The following MYO6 variants were observed in gnomAD, a reference collection of about 807,000 sequenced individuals.
MYO6 encodes the protein unconventional myosin-VI.
In MYO6, 74 loss-of-function variants were observed where a neutral mutation model predicts 178.7. The ratio of observed to expected loss-of-function variants is 0.41; its 90% confidence interval spans 0.34 to 0.50. The LOEUF (loss-of-function observed/expected upper bound fraction) is 0.50, where lower values mean the gene tolerates loss of function less well. Ranked by LOEUF, MYO6 falls within the 20% of genes least tolerant of loss-of-function variation. MYO6 has a pLI of 0.09. For missense variants in MYO6, 1,330 were observed against 1,547.4 expected (o/e 0.86, Z 2.36); for synonymous variants, 477 against 504.6 (o/e 0.95, Z 0.73).
chr6:75,817,991 T>A (rs2150168857), intron 2 of MYO6, among the ~76,000 whole-genome samples: 1 of 152,356 alleles, frequency 6.6e-6, no homozygotes, highest in Non-Finnish European at 1.5e-5. Flanking sequence ...CATTTTAATT[T>A]CTTGTGCCAC....
intron 33 of MYO6, among the ~76,000 whole-genome samples, chr6:75,913,406 G>T (rs1171459676): frequency 6.6e-6 from 1 of 152,112 alleles, no homozygotes; most frequent in Non-Finnish European, 1.5e-5. Flanking sequence ...TATTCTAAGA[G>T]AAATCTGATT....
At chr6:75,801,842 G>A (rs184025897) in intron 1 of MYO6, among the ~76,000 whole-genome samples, 2 of 152,098 alleles carry the variant, frequency 1.3e-5, no homozygotes, top group Admixed American at 1.3e-4. Context: ...TCAGGAGGCT[G>A]AGGCAGGAGA....
intron 13 of MYO6, 93 bp downstream of exon 13, chr6:75,857,347 T>C: frequency 7.8e-7 from 1 of 1,281,698 alleles, no homozygotes. Context: ...TGTAACTCAT[T>C]TTACTTGATG....
intron 1 of MYO6, among the ~76,000 whole-genome samples, chr6:75,805,021 A>AT (rs58697772): frequency 0.015 from 1,187 of 77,374 alleles, 40 homozygotes; most frequent in African/African-American, 0.028. Flanking sequence ...ATATATATAT[A>AT]TTTTTTTTTT....
At position 75,862,663 on chromosome 6, in the gene MYO6, A is replaced by G. The variant is rs758973642; in HGVS notation, c.1614A>G (p.Pro538=). 1 of 1,614,080 alleles carries G rather than the reference A, an allele frequency of 6.2e-7. No individual in the cohort carries two copies. The highest frequency in any genetic ancestry group is 8.5e-7 in the Non-Finnish European group (1 of 1,179,956). ...ILDEENRLPQ[P]SDQHFTSAVH... ...ATGAAGAAAATCGCCTTCCCCAGCC[A>G]AGTGATCAACACTTTACATCTGCAG... The change falls in exon 16 of 35, where the codon CCA becomes CCG. Residue 538 remains proline (P), a synonymous_variant. Coordinates refer to ENST00000369977, the MANE Select transcript of MYO6 (RefSeq NM_004999.4).
At position 75,895,706 on chromosome 6, in the gene MYO6, C is replaced by T. The variant is rs140231798; in HGVS notation, c.3137+446C>T. On this transcript the variant is annotated intron_variant, in intron 29 of 34. Transcript: ENST00000369977. Reference sequence around the variant, plus strand: ...CTAATTTTTGTATTTTTAGTAGAGACGGGGTTTCACCATGTTGGCCAGGAT... The same window carrying T: ...CTAATTTTTGTATTTTTAGTAGAGATGGGGTTTCACCATGTTGGCCAGGAT... 3.0e-3 allele frequency among the ~76,000 whole-genome samples: 461 copies of T among 151,796 alleles called. 2 individuals are homozygous for T. Among genetic ancestry groups the T allele is most frequent in the African/African-American group, 1.0e-2 (414 of 41,412 alleles).
At chr6:75,750,746 A>T (rs1378315309) in intron 1 of MYO6, among the ~76,000 whole-genome samples, 1 of 151,240 alleles carries the variant, frequency 6.6e-6, no homozygotes, top group Non-Finnish European at 1.5e-5. Flanking sequence ...TGCCCAGCTA[A>T]TTTTTGTATT....
chr6:75,903,874 C>T (rs899842603), intron 30 of MYO6, among the ~76,000 whole-genome samples: 8 of 151,444 alleles, frequency 5.3e-5, no homozygotes, highest in East Asian at 1.9e-4. Context: ...ACCGGTTGTT[C>T]CTTTCCATGT....
chr6:75,862,176 A>G (rs1776264448), intron 15 of MYO6, among the ~76,000 whole-genome samples: 1 of 152,250 alleles, frequency 6.6e-6, no homozygotes, highest in African/African-American at 2.4e-5. Flanking sequence ...GTGTTGTTAC[A>G]GATTTTGTTT....
At chr6:75,887,983 A>G (rs908259137) in intron 25 of MYO6, among the ~76,000 whole-genome samples, 1 of 150,654 alleles carries the variant, frequency 6.6e-6, no homozygotes, top group Admixed American at 6.6e-5. Flanking sequence ...CGTCTCAAAA[A>G]AAATAAATAA....
chr6:75,771,930 GT>G (rs1180586947), intron 1 of MYO6, among the ~76,000 whole-genome samples: 1 of 152,132 alleles, frequency 6.6e-6, no homozygotes, highest in Non-Finnish European at 1.5e-5. Context: ...TAAAAATTTA[GT>G]TTTTGTGTAC....
chr6:75,789,858 G>C (rs1034471590), intron 1 of MYO6, among the ~76,000 whole-genome samples: 7 of 152,006 alleles, frequency 4.6e-5, no homozygotes, highest in African/African-American at 1.7e-4. Flanking sequence ...CTATAACTTT[G>C]TACCCATTGA....
intron 11 of MYO6, among the ~76,000 whole-genome samples, chr6:75,852,224 G>T (rs979551768): frequency 6.6e-6 from 1 of 151,962 alleles, no homozygotes; most frequent in African/African-American, 2.4e-5. Flanking sequence ...TTTTTTGAGA[G>T]CTATATAATT....
intron 9 of MYO6, among the ~76,000 whole-genome samples, chr6:75,842,583 CTCTT>C (rs1774342903): frequency 6.6e-6 from 1 of 152,138 alleles, no homozygotes; most frequent in South Asian, 2.1e-4. Flanking sequence ...ATAAATGTAT[CTCTT>C]TATATACTTC....
chr6:75,897,101 T>G (rs536833130), intron 29 of MYO6, among the ~76,000 whole-genome samples: 2 of 152,124 alleles, frequency 1.3e-5, no homozygotes, highest in Non-Finnish European at 2.9e-5. Flanking sequence ...ACAGACCCAG[T>G]GGTAATGAGA....
At chr6:75,830,686 C>A in intron 5 of MYO6, 141 bp downstream of exon 5, 1 of 804,922 alleles carries the variant, frequency 1.2e-6, no homozygotes, top group East Asian at 2.7e-5. Flanking sequence ...GATATATCAA[C>A]ATTGTTAGGA....
intron 14 of MYO6, 31 bp from the exon 15 acceptor site, chr6:75,860,992 G>A (rs1156924461): frequency 2.1e-6 from 3 of 1,441,242 alleles, no homozygotes; most frequent in Non-Finnish European, 2.9e-6. Flanking sequence ...CAGTATTGCT[G>A]TATCTATGAT....
At chr6:75,911,278 T>C (rs1270823234) in intron 32 of MYO6, among the ~76,000 whole-genome samples, 1 of 152,040 alleles carries the variant, frequency 6.6e-6, no homozygotes, top group Non-Finnish European at 1.5e-5. Context: ...TTTTTACTCC[T>C]GTAATGTATA....
At chr6:75,829,164 C>T (rs977528331) in intron 4 of MYO6, among the ~76,000 whole-genome samples, 7 of 152,154 alleles carry the variant, frequency 4.6e-5, no homozygotes, top group African/African-American at 1.7e-4. Flanking sequence ...CGTAGGTACT[C>T]TACCTTGAAA....
Sources: gnomAD v4.1 joint callset for allele counts (sites outside exome capture counted in the v4.1 genomes callset) on GRCh38, gnomAD v4.1.1 for gene constraint, MANE v1.5 for transcripts, NCBI Gene and HGNC (gene_info 2026-07-23, HGNC 2026-07-21) for gene names.